The following TCP11L1 variants were observed in gnomAD, a reference collection of about 807,000 sequenced individuals.
TCP11L1 encodes t-complex 11 like 1.
TCP11L1 carries 28 observed loss-of-function variants against 48.9 expected under a neutral mutation model. That is an observed-to-expected ratio of 0.57 (90% CI 0.42 to 0.78). The LOEUF (loss-of-function observed/expected upper bound fraction) is 0.78. Ranked by LOEUF, TCP11L1 falls within the 30% of genes least tolerant of loss-of-function variation. The pLI is 0.00. For missense variants in TCP11L1, 505 were observed against 613.4 expected, an observed-to-expected ratio of 0.82 and a Z score of 1.87; for synonymous variants, 204 against 231.9, an observed-to-expected ratio of 0.88 and a Z score of 1.09.
chr11:33,058,204 T>C, intron 5 of TCP11L1, 65 bp downstream of exon 5: 2 of 1,323,334 alleles, frequency 1.5e-6, no homozygotes, highest in Middle Eastern at 2.3e-4. Flanking sequence ...TTTTTTTCTT[T>C]TCTTTTTTTT....
rs77360478 is a variant in TCP11L1, at chr11:33,059,055, C to T, written c.735C>T (p.Tyr245=). 458 of 1,614,032 alleles carry T rather than the reference C, an allele frequency of 2.8e-4. 4 individuals are homozygous for T. In the East Asian group the frequency reaches 9.8e-3, roughly 35 times the overall value. Residue 245 remains tyrosine, a synonymous_variant, in exon 6 of 10, where the codon TAC becomes TAT. Coordinates refer to ENST00000334274, the MANE Select transcript of TCP11L1 (RefSeq NM_018393.4). ...ATCTCATGCAGCAGTCAGTTGAATA[C>T]GAAAGGAAGAAGTTTCAAGAGATTT... The part of the protein sequence containing the change: ...RPHLMQQSVE[Y]ERKKFQEILE...
intron 7 of TCP11L1, among the ~76,000 whole-genome samples, chr11:33,064,108 A>T (rs1347389517): frequency 6.6e-6 from 1 of 152,096 alleles, no homozygotes; most frequent in Non-Finnish European, 1.5e-5. Flanking sequence ...CAGCCTCCTC[A>T]CTTGGCAGTC....
intron 2 of TCP11L1, among the ~76,000 whole-genome samples, chr11:33,045,797 C>T (rs1853974870): frequency 6.6e-6 from 1 of 152,084 alleles, no homozygotes; most frequent in Non-Finnish European, 1.5e-5. Flanking sequence ...TGCGAAGGCC[C>T]CGAGCTCTGG....
At chr11:33,069,377 G>T (rs2133749114) in intron 9 of TCP11L1, among the ~76,000 whole-genome samples, 1 of 151,182 alleles carries the variant, frequency 6.6e-6, no homozygotes, top group South Asian at 2.1e-4. Context: ...AACTTAAAAT[G>T]GTAATATTAA....
intron 2 of TCP11L1, among the ~76,000 whole-genome samples, chr11:33,045,105 A>G (rs1277349702): frequency 6.6e-6 from 1 of 152,126 alleles, no homozygotes; most frequent in Non-Finnish European, 1.5e-5. Flanking sequence ...CTGTAATACC[A>G]GCACTTTGGG....
At chr11:33,070,673 T>G (rs4382878) in intron 9 of TCP11L1, among the ~76,000 whole-genome samples, 101,381 of 134,794 alleles carry the variant, frequency 0.75, 37,384 homozygotes, top group East Asian at 0.88. Flanking sequence ...CAATAAGAGC[T>G]AAAGTCTGTC....
At chr11:33,064,557 G>A (rs754459963) in intron 7 of TCP11L1, among the ~76,000 whole-genome samples, 3 of 148,480 alleles carry the variant, frequency 2.0e-5, no homozygotes, top group Non-Finnish European at 3.0e-5. Flanking sequence ...ACCCAGGACT[G>A]TCTTTAACAT....
At chr11:33,069,928 T>C (rs1854729194) in intron 9 of TCP11L1, among the ~76,000 whole-genome samples, 1 of 151,978 alleles carries the variant, frequency 6.6e-6, no homozygotes, top group Non-Finnish European at 1.5e-5. Flanking sequence ...CTCACAACCT[T>C]CATAGGGAGG....
chr11:33,067,676 G>A (rs1403347833), intron 8 of TCP11L1, among the ~76,000 whole-genome samples: 3 of 152,080 alleles, frequency 2.0e-5, no homozygotes, highest in African/African-American at 4.8e-5. Flanking sequence ...TCCAGGGGTG[G>A]GCACAGAGCT....
chr11:33,049,991 C>T (rs1023485218), intron 2 of TCP11L1, among the ~76,000 whole-genome samples: 2 of 152,184 alleles, frequency 1.3e-5, no homozygotes, highest in Non-Finnish European at 2.9e-5. Context: ...GAGGGCCTTC[C>T]GCAGTGTATT....
intron 2 of TCP11L1, among the ~76,000 whole-genome samples, chr11:33,046,113 T>C (rs996242734): frequency 6.6e-6 from 1 of 152,230 alleles, no homozygotes; most frequent in African/African-American, 2.4e-5. Context: ...TGGGCTTAGA[T>C]TATGGTGCTG....
chr11:33,068,942 A>C, intron 9 of TCP11L1, 83 bp downstream of exon 9: 2 of 1,515,280 alleles, frequency 1.3e-6, no homozygotes, highest in African/African-American at 1.4e-5. Context: ...CTGAGGGCTC[A>C]GCTGGAGTTA....
chr11:33,061,414 C>A, intron 6 of TCP11L1, 116 bp from the exon 7 acceptor site: 1 of 1,053,160 alleles, frequency 9.5e-7, no homozygotes, highest in Non-Finnish European at 1.3e-6. Context: ...TATTTGATTC[C>A]AAAGTTCATA....
intron 6 of TCP11L1, among the ~76,000 whole-genome samples, chr11:33,061,080 C>G (rs1854452349): frequency 6.6e-6 from 1 of 152,198 alleles, no homozygotes; most frequent in African/African-American, 2.4e-5. Context: ...CTCAGCCTCC[C>G]AGCTAGCTGG....
intron 5 of TCP11L1, 94 bp downstream of exon 5, chr11:33,058,233 C>A: frequency 8.3e-7 from 1 of 1,205,520 alleles, no homozygotes; most frequent in Non-Finnish European, 1.1e-6. Context: ...GAGTCTCACT[C>A]TGTTGCAAAG....
intron 5 of TCP11L1, 125 bp from the exon 6 acceptor site, chr11:33,058,834 A>G (rs1854390773): frequency 5.1e-6 from 5 of 984,760 alleles, no homozygotes; most frequent in Non-Finnish European, 7.3e-6. Context: ...GGGCTCAAGC[A>G]GTCCTCCCGC....
At chr11:33,065,592 T>C (rs1206351701) in intron 7 of TCP11L1, among the ~76,000 whole-genome samples, 1 of 152,188 alleles carries the variant, frequency 6.6e-6, no homozygotes, top group East Asian at 1.9e-4. Context: ...GCACGGAGCC[T>C]GGCTTTACAC....
intron 7 of TCP11L1, among the ~76,000 whole-genome samples, chr11:33,064,500 C>T (rs1854555345): frequency 6.6e-6 from 1 of 152,158 alleles, no homozygotes; most frequent in Admixed American, 6.5e-5. Context: ...GCAGCCTTTC[C>T]CTTCTCCTTC....
chr11:33,052,454 T>G (rs1177049542), intron 2 of TCP11L1, among the ~76,000 whole-genome samples: 1 of 149,774 alleles, frequency 6.7e-6, no homozygotes, highest in Non-Finnish European at 1.5e-5. Context: ...TATGACCAGC[T>G]CTTCGATTTG....
Sources: allele counts gnomAD v4.1 joint callset (sites outside exome capture counted in the v4.1 genomes callset), GRCh38; gene constraint gnomAD v4.1.1; transcripts MANE v1.5; gene names NCBI Gene and HGNC (gene_info 2026-07-23, HGNC 2026-07-21).